Variants in EFNA5 observed in about 807,000 individuals in gnomAD.
EFNA5 encodes ephrin A5, also known as ephrin-A5.
Under a neutral mutation model 22.9 loss-of-function variants are expected in EFNA5, and 5 were observed. The ratio of observed to expected loss-of-function variants is 0.22; its 90% CI spans 0.11 to 0.46. The LOEUF (loss-of-function observed/expected upper bound fraction) is 0.46, where lower values mean the gene tolerates loss of function less well. Ranked by LOEUF, EFNA5 falls within the 20% of genes least tolerant of loss-of-function variation. The pLI is 0.99. For missense variants in EFNA5, 237 were observed against 293.3 expected, an observed-to-expected ratio of 0.81 and a Z score of 1.40; for synonymous variants, 113 against 112.2, an observed-to-expected ratio of 1.01 and a Z score of -0.04.
intron 1 of EFNA5, among the ~76,000 whole-genome samples, chr5:107,628,290 C>G (rs532626442): frequency 1.3e-5 from 2 of 152,132 alleles, no homozygotes; most frequent in Non-Finnish European, 2.9e-5. Context: ...GAATCAAATG[C>G]TCTATATTAC....
chr5:107,462,495 G>A (rs4085251), intron 1 of EFNA5, among the ~76,000 whole-genome samples: 22,120 of 152,002 alleles, frequency 0.15, 1,886 homozygotes, highest in African/African-American at 0.22. Context: ...AACGGCTATG[G>A]GTCCACACTA....
chr5:107,580,618 G>A (rs12522223), intron 1 of EFNA5, among the ~76,000 whole-genome samples: 17,687 of 150,860 alleles, frequency 0.12, 1,105 homozygotes, highest in Non-Finnish European at 0.13. Context: ...AGCTACTCAG[G>A]AGGCTAAGGC....
chr5:107,595,051 T>C (rs908789467), intron 1 of EFNA5, among the ~76,000 whole-genome samples: 2 of 152,052 alleles, frequency 1.3e-5, no homozygotes, highest in Non-Finnish European at 2.9e-5. Context: ...AAAGAAAATA[T>C]AGAAGAAGGA....
At chr5:107,618,765 T>C (rs1749974671) in intron 1 of EFNA5, among the ~76,000 whole-genome samples, 1 of 152,188 alleles carries the variant, frequency 6.6e-6, no homozygotes, top group Admixed American at 6.5e-5. Flanking sequence ...GCCTAATTAA[T>C]GGAATACACA....
At chr5:107,644,159 C>G (rs2112547031) in intron 1 of EFNA5, among the ~76,000 whole-genome samples, 1 of 152,118 alleles carries the variant, frequency 6.6e-6, no homozygotes, top group East Asian at 1.9e-4. Flanking sequence ...AGTGGCGATA[C>G]AAGCTGAAAG....
At chr5:107,603,089 C>T (rs1033430375) in intron 1 of EFNA5, among the ~76,000 whole-genome samples, 4 of 152,190 alleles carry the variant, frequency 2.6e-5, no homozygotes, top group African/African-American at 9.7e-5. Context: ...CAAATCACTT[C>T]TTGTAATGAC....
chr5:107,641,021 T>C (rs469788), intron 1 of EFNA5, among the ~76,000 whole-genome samples: 5,425 of 111,750 alleles, frequency 0.049, 44 homozygotes, highest in Middle Eastern at 0.1. Context: ...GATAGATAGA[T>C]AGACAGACAG....
chr5:107,382,439 CA>C (rs201031681), intron 4 of EFNA5, among the ~76,000 whole-genome samples: 1,711 of 152,282 alleles, frequency 0.011, 33 homozygotes, highest in African/African-American at 0.037. Context: ...GTGGCCCAAT[CA>C]TAGCTCACTA....
Position 107,670,810 on chromosome 5 carries a change from G to C in EFNA5, c.-197C>G. The C allele has an allele frequency of 1.5e-6, 1 of 669,298 alleles. No homozygotes were observed. Among genetic ancestry groups the C allele is most frequent in the East Asian group, 2.8e-5 (1 of 35,390 alleles). The allele number at this position is 669,298 out of a possible 1,614,324, so 41.5% of individuals were successfully genotyped here. A position where few individuals can be genotyped will look rare whatever the true frequency, so the allele number is the denominator to read the frequency against. ...GGTAGGAGAGCGAGAAGAAAAGAAG[G>C]CGGTGGGATGGGGGGTGATAAAGAC... On this transcript the variant is annotated 5_prime_UTR_variant, in exon 1 of 5. Transcript: ENST00000333274.
chr5:107,488,234 T>G (rs772207939), intron 1 of EFNA5, among the ~76,000 whole-genome samples: 1 of 152,228 alleles, frequency 6.6e-6, no homozygotes, highest in Non-Finnish European at 1.5e-5. Context: ...ATCCCCCATC[T>G]TGCGGCTTAG....
chr5:107,591,953 TATATA>T (rs1561443045), intron 1 of EFNA5, among the ~76,000 whole-genome samples: 6 of 20,826 alleles, frequency 2.9e-4, no homozygotes, highest in African/African-American at 1.6e-3. Flanking sequence ...TTATATATAA[TATATA>T]ATATATATAA....
At chr5:107,395,988 C>A (rs115282215) in intron 2 of EFNA5, among the ~76,000 whole-genome samples, 1,552 of 152,226 alleles carry the variant, frequency 0.01, 22 homozygotes, top group African/African-American at 0.035. Flanking sequence ...AACCGTTAGG[C>A]AAGGAAAGCA....
intron 1 of EFNA5, among the ~76,000 whole-genome samples, chr5:107,658,335 C>T (rs1237022823): frequency 6.6e-6 from 1 of 152,124 alleles, no homozygotes; most frequent in African/African-American, 2.4e-5. Flanking sequence ...TGACAGGATC[C>T]TCCTTAAACT....
intron 1 of EFNA5, among the ~76,000 whole-genome samples, chr5:107,484,149 A>G (rs182979216): frequency 2.2e-4 from 33 of 152,344 alleles, no homozygotes; most frequent in African/African-American, 7.0e-4. Context: ...AGTGCAAAAC[A>G]GGTAACACAG....
chr5:107,557,042 G>A (rs1016154311), intron 1 of EFNA5, among the ~76,000 whole-genome samples: 3 of 151,976 alleles, frequency 2.0e-5, no homozygotes, highest in Non-Finnish European at 2.9e-5. Flanking sequence ...AAATTAAACG[G>A]CTGTTTGGGC....
At chr5:107,387,593 C>G (rs1747661660) in intron 3 of EFNA5, 113 bp downstream of exon 3, 3 of 746,484 alleles carry the variant, frequency 4.0e-6, no homozygotes, top group Non-Finnish European at 6.8e-6. Context: ...ATATACAAAA[C>G]AGATACCACA....
At chr5:107,550,458 C>G (rs1748269186) in intron 1 of EFNA5, among the ~76,000 whole-genome samples, 1 of 152,098 alleles carries the variant, frequency 6.6e-6, no homozygotes, top group Admixed American at 6.5e-5. Flanking sequence ...ATGCGCTTAC[C>G]ACCTACATCA....
In EFNA5 at chr5:107,431,218, A is replaced by G. The variant is rs1748948497; in HGVS notation, c.126-3709T>C. 2.6e-5 allele frequency among the ~76,000 whole-genome samples: 4 copies of G among 152,222 alleles called. No homozygotes were observed. The South Asian group carries it at 8.3e-4, about 32-fold the overall frequency. On this transcript the variant is annotated intron_variant, in intron 1 of 4. Transcript: ENST00000333274. The stretch of plus-strand genomic sequence containing the variant: ...TTCAAAGGGTGGACAATATAAATAT[A>G]AAAACAATGACAAACTGGAATTCAT...
At chr5:107,645,663 A>G (rs771945166) in intron 1 of EFNA5, among the ~76,000 whole-genome samples, 1 of 152,206 alleles carries the variant, frequency 6.6e-6, no homozygotes, top group Non-Finnish European at 1.5e-5. Flanking sequence ...TGGATATTAC[A>G]TATACTTAAA....
Sources: allele counts gnomAD v4.1 joint callset (sites outside exome capture counted in the v4.1 genomes callset), GRCh38; gene constraint gnomAD v4.1.1; transcripts MANE v1.5; gene names NCBI Gene and HGNC (gene_info 2026-07-23, HGNC 2026-07-21).